MIDEAS: variants seen among roughly 807,000 people sequenced by gnomAD.
The protein encoded by MIDEAS is mitotic deacetylase associated SANT domain protein.
A neutral mutation model predicts 102.7 loss-of-function variants in MIDEAS; 26 were observed. That is an observed-to-expected ratio of 0.25 (90% CI 0.19 to 0.35). The LOEUF is 0.35. Ranked by LOEUF, MIDEAS falls within the 10% of genes least tolerant of loss-of-function variation. The probability of loss-of-function intolerance (pLI) is 1.00; values close to 1 mark genes in which losing one functional copy is unlikely to be tolerated. For synonymous variants in MIDEAS, 585 were observed against 591.0 expected (o/e 0.99, Z 0.15); for missense variants, 1,231 against 1,435.6 (o/e 0.86, Z 2.30).
chr14:73,730,400 C>T (rs2053123280), intron 3 of MIDEAS, among the ~76,000 whole-genome samples: 1 of 152,332 alleles, frequency 6.6e-6, no homozygotes, highest in East Asian at 1.9e-4. Context: ...GGCTCTGGAG[C>T]TGGACTTCTT....
At chr14:73,787,888 A>C (rs192997516), upstream of MIDEAS, among the ~76,000 whole-genome samples, 12 of 152,042 alleles carry the variant, frequency 7.9e-5, no homozygotes, top group East Asian at 2.3e-3. Flanking sequence ...CACTCAACTC[A>C]CAGAAAATAG....
intron 1 of MIDEAS, among the ~76,000 whole-genome samples, chr14:73,771,377 C>A (rs2053640970): frequency 6.6e-6 from 1 of 152,224 alleles, no homozygotes; most frequent in Non-Finnish European, 1.5e-5. Context: ...ACGCCGGGGG[C>A]TCTCCAGCTG....
rs559453685 is a variant in MIDEAS, at chr14:73,717,100, G to C, written c.*1743C>G. ...GTAGAACCATACTAATGTACAAATG[G>C]ATGCTGAAAAATACCTGCATAGTTT... On this transcript the variant is annotated 3_prime_UTR_variant, in exon 13 of 13. Coordinates refer to ENST00000423556, the MANE Select transcript of MIDEAS (RefSeq NM_001367710.1). The C allele has an allele frequency of 6.6e-6, 1 of 152,364 alleles. No individual in the cohort carries two copies. Among genetic ancestry groups the C allele is most frequent in the African/African-American group, 2.4e-5 (1 of 41,552 alleles). The allele number at this position is 152,364 out of a possible 1,614,324, so 9.4% of individuals were successfully genotyped here.
At chr14:73,761,083 A>AGTG (rs1215651756), upstream of MIDEAS, among the ~76,000 whole-genome samples, 1 of 151,832 alleles carries the variant, frequency 6.6e-6, no homozygotes, top group Non-Finnish European at 1.5e-5. Flanking sequence ...GTGGTGGTGC[A>AGTG]GTGGTGGTGG....
rs1158046361 is a variant in MIDEAS at position 73,759,252 on chromosome 14, G to A, written c.-248+511C>T. Among the ~76,000 whole-genome samples the A allele has an allele frequency of 1.3e-5, 2 of 152,176 alleles. No homozygotes were observed. Among genetic ancestry groups the A allele is most frequent in the African/African-American group, 4.8e-5 (2 of 41,458 alleles). On this transcript the variant is annotated intron_variant, in intron 1 of 12. Transcript: ENST00000423556. The surrounding 1 kb of genome is among the most constrained non-coding windows in gnomAD (Gnocchi z 6.7). ...CACTTTCCCGTGCACGCTGGCAGGG[G>A]AAGGGGCTCCCGCGCCAAGTTCCCT...
chr14:73,719,022 G>T lies in MIDEAS; in HGVS notation c.3135-14C>A. 1 of 1,467,468 alleles carries T rather than the reference G, an allele frequency of 6.8e-7. No homozygotes were observed. Among genetic ancestry groups the T allele is most frequent in the Admixed American group, 2.6e-5 (1 of 38,454 alleles). The allele number at this position is 1,467,468 out of a possible 1,614,324, so 90.9% of individuals were successfully genotyped here. ...TTGTAAAACACCCTGCAGCCGGGTG[G>T]GGGTTGCTCAGAACCGGCCTAGCCC... On this transcript the variant is annotated splice_polypyrimidine_tract_variant and intron_variant, in intron 12 of 12. Transcript: ENST00000423556.
intron 1 of MIDEAS, among the ~76,000 whole-genome samples, chr14:73,750,283 C>T (rs1010637288): frequency 6.6e-6 from 1 of 150,568 alleles, no homozygotes; most frequent in Non-Finnish European, 1.5e-5. Context: ...TTGCTCTTTC[C>T]ACCACCCTCC....
intron 5 of MIDEAS, 180 bp downstream of exon 5, chr14:73,727,278 C>A (rs745763268): frequency 1.4e-6 from 1 of 695,366 alleles, no homozygotes; most frequent in African/African-American, 1.8e-5. Context: ...TTCCCTGCAA[C>A]TTCCACACAG....
chr14:73,752,095 A>G (rs899078069), intron 1 of MIDEAS, among the ~76,000 whole-genome samples: 3 of 152,066 alleles, frequency 2.0e-5, no homozygotes, highest in African/African-American at 4.8e-5. Context: ...GTGCTCTCAG[A>G]GTGTTGCTTC....
chr14:73,715,895 G>A lies in MIDEAS; in HGVS notation c.*2948C>T, dbSNP rs2140084716. ...GGTATGTACCTTAGCTGTGAGGGGG[G>A]CTGCTGAAGGCATGGAGGACAGTAA... is the stretch of plus-strand genomic sequence containing the variant. On this transcript the variant is annotated 3_prime_UTR_variant, in exon 13 of 13. Transcript: ENST00000423556. The A allele has an allele frequency of 6.6e-6, 1 of 152,550 alleles. No individual in the cohort carries two copies. The highest frequency in any genetic ancestry group is 2.1e-4 in the South Asian group (1 of 4,820). The allele number at this position is 152,550 out of a possible 1,614,324, so 9.4% of individuals were successfully genotyped here. A position where few individuals can be genotyped will look rare whatever the true frequency, so the allele number is the denominator to read the frequency against.
chr14:73,763,769 A>AG (rs1488059690), upstream of MIDEAS, among the ~76,000 whole-genome samples: 1 of 152,150 alleles, frequency 6.6e-6, no homozygotes, highest in Non-Finnish European at 1.5e-5. Flanking sequence ...CAATTACAAC[A>AG]GAAAAAAAAG....
At chr14:73,772,444 T>C (rs1163583142) in intron 1 of MIDEAS, among the ~76,000 whole-genome samples, 1 of 152,254 alleles carries the variant, frequency 6.6e-6, no homozygotes, top group Non-Finnish European at 1.5e-5. Context: ...TGTTTTACTT[T>C]TTTCATCTAA....
chr14:73,741,372 C>A (rs983902429), intron 1 of MIDEAS, among the ~76,000 whole-genome samples: 1 of 151,888 alleles, frequency 6.6e-6, no homozygotes. Context: ...TTGTTTTTTT[C>A]CTGGGAAGTT....
intron 1 of MIDEAS, among the ~76,000 whole-genome samples, chr14:73,774,751 C>A (rs990140000): frequency 6.6e-6 from 1 of 151,946 alleles, no homozygotes; most frequent in African/African-American, 2.4e-5. Context: ...GGTGGCAGCC[C>A]CACCAGCAAG....
At chr14:73,760,995 G>T (rs983217157), upstream of MIDEAS, among the ~76,000 whole-genome samples, 5 of 152,128 alleles carry the variant, frequency 3.3e-5, no homozygotes, top group African/African-American at 1.2e-4. This position sits in a 1 kb window ranked among gnomAD's most constrained non-coding sequence, Gnocchi z 4.8. Flanking sequence ...GTTGGTTCTG[G>T]CCCCCACATT....
intron 2 of MIDEAS, 53 bp from the exon 3 acceptor site, chr14:73,737,350 G>T: frequency 6.5e-7 from 1 of 1,543,384 alleles, no homozygotes; most frequent in Non-Finnish European, 8.8e-7. Context: ...ATAGCCAGGC[G>T]CAGTGGCTCA....
chr14:73,773,203 G>A (rs573365256), intron 1 of MIDEAS, among the ~76,000 whole-genome samples: 58 of 151,956 alleles, frequency 3.8e-4, no homozygotes, highest in Middle Eastern at 3.4e-3. Context: ...TTCCAAAGTA[G>A]TTTTCCTAGC....
At chr14:73,722,627 G>A (rs920390161) in intron 10 of MIDEAS, 71 bp downstream of exon 10, 15 of 1,562,380 alleles carry the variant, frequency 9.6e-6, no homozygotes, top group South Asian at 6.0e-5. Flanking sequence ...GCTCGGGCTC[G>A]GGCTCCCAGC....
chr14:73,779,601 C>T (rs1348541517), intron 1 of MIDEAS, among the ~76,000 whole-genome samples: 7 of 121,080 alleles, frequency 5.8e-5, no homozygotes, highest in Non-Finnish European at 1.1e-4. Flanking sequence ...GACGGAGTCT[C>T]GCTCTGTCGC....
Sources: gnomAD v4.1 joint callset for allele counts (sites outside exome capture counted in the v4.1 genomes callset) on GRCh38, gnomAD v4.1.1 for gene constraint, Gnocchi (gnomAD v3.1) non-coding constraint, MANE v1.5 for transcripts, NCBI Gene and HGNC (gene_info 2026-07-23, HGNC 2026-07-21) for gene names.